The following PEX14 variants were observed in gnomAD, a reference collection of about 807,000 sequenced individuals.
PEX14 encodes the protein peroxisomal membrane protein PEX14.
Under a neutral mutation model 49.5 loss-of-function variants are expected in PEX14, and 15 were observed. The observed-to-expected ratio is 0.30, with a 90% confidence interval of 0.20 to 0.47. The LOEUF is 0.47. Ranked by LOEUF, PEX14 falls within the 20% of genes least tolerant of loss-of-function variation. PEX14 has a pLI of 1.00. For synonymous variants in PEX14, 210 were observed against 212.7 expected, an observed-to-expected ratio of 0.99 and a Z score of 0.11; for missense variants, 398 against 494.8, an observed-to-expected ratio of 0.80 and a Z score of 1.86.
intron 2 of PEX14, among the ~76,000 whole-genome samples, chr1:10,517,760 G>T (rs1485271557): frequency 6.6e-6 from 1 of 151,512 alleles, no homozygotes; most frequent in African/African-American, 2.4e-5. Flanking sequence ...TATATGGGGG[G>T]CAGAAAGGAG....
chr1:10,496,160 G>A (rs1007875022), intron 2 of PEX14, among the ~76,000 whole-genome samples: 3 of 152,208 alleles, frequency 2.0e-5, no homozygotes, highest in African/African-American at 4.8e-5. Context: ...GTATGAACAC[G>A]TCTGAATTCC....
chr1:10,477,005 T>C (rs536073566), intron 1 of PEX14, among the ~76,000 whole-genome samples: 1 of 152,260 alleles, frequency 6.6e-6, no homozygotes, highest in South Asian at 2.1e-4. Context: ...TTTGCCCTCC[T>C]TTCCAAAGCT....
intron 2 of PEX14, among the ~76,000 whole-genome samples, chr1:10,527,699 A>G (rs1361638783): frequency 6.6e-6 from 1 of 151,662 alleles, no homozygotes; most frequent in Non-Finnish European, 1.5e-5. Context: ...TCCAAGACAG[A>G]GTCTCACTCT....
intron 1 of PEX14, 109 bp downstream of exon 1, chr1:10,475,111 C>T: frequency 3.7e-6 from 4 of 1,071,024 alleles, no homozygotes; most frequent in Non-Finnish European, 5.6e-6. Flanking sequence ...AAGCTGGGGA[C>T]CCCGACCTCT....
chr1:10,588,184 C>T lies in PEX14; in HGVS notation c.170-11054C>T, dbSNP rs1048153913. On this transcript the variant is annotated intron_variant, in intron 3 of 8. Transcript: ENST00000356607. ...GCAGTGAGCCGAGATTGCACCACAG[C>T]GCTCCAGCCTGGGTGACAGAGCGAG... Among the ~76,000 whole-genome samples the T allele has an allele frequency of 4.0e-5, 6 of 151,744 alleles. No homozygotes were observed. In the East Asian group the frequency reaches 9.8e-4, roughly 25 times the overall value.
At chr1:10,610,539 T>C (rs1641252413) in intron 4 of PEX14, among the ~76,000 whole-genome samples, 1 of 151,920 alleles carries the variant, frequency 6.6e-6, no homozygotes, top group Admixed American at 6.6e-5. Context: ...TGGAGTGCAA[T>C]GGCGTGATCT....
At chr1:10,559,633 C>T (rs767206383) in intron 3 of PEX14, among the ~76,000 whole-genome samples, 4 of 152,138 alleles carry the variant, frequency 2.6e-5, no homozygotes, top group Non-Finnish European at 4.4e-5. Flanking sequence ...CACCACCCAA[C>T]GGTGTACAGC....
chr1:10,480,387 C>T (rs1260870274), intron 1 of PEX14, among the ~76,000 whole-genome samples: 4 of 87,302 alleles, frequency 4.6e-5, no homozygotes, highest in Admixed American at 4.5e-4. Context: ...GCCTGGCTAA[C>T]TTTTTTTTTT....
intron 3 of PEX14, among the ~76,000 whole-genome samples, chr1:10,586,688 G>A (rs1196040808): frequency 7.7e-6 from 1 of 130,382 alleles, no homozygotes; most frequent in African/African-American, 2.9e-5. Flanking sequence ...TGCCCAGGCT[G>A]GAGTGCAGTG....
Position 10,628,509 on chromosome 1 carries a change from A to G in PEX14, c.678-1022A>G, listed in dbSNP as rs1641816274. On this transcript the variant is annotated intron_variant, in intron 8 of 8. Transcript: ENST00000356607. The surrounding 1 kb of genome is among the most constrained non-coding windows in gnomAD (Gnocchi z 4.5). ...CAACTTCCCGGTTTTCCCTGAGGAA[A>G]AGAACATGTCCTGGAAAGAGATGTG... Among the ~76,000 whole-genome samples, 1 of 152,256 alleles carries G rather than the reference A, an allele frequency of 6.6e-6. No individual in the cohort carries two copies. The highest frequency in any genetic ancestry group is 2.1e-4 in the South Asian group (1 of 4,836).
At chr1:10,531,574 G>A (rs191070891) in intron 2 of PEX14, among the ~76,000 whole-genome samples, 3 of 152,170 alleles carry the variant, frequency 2.0e-5, no homozygotes, top group Admixed American at 2.0e-4. Context: ...TTTCGGGCCC[G>A]TAGATTATAT....
chr1:10,493,930 C>G (rs1641513344), intron 1 of PEX14, among the ~76,000 whole-genome samples: 1 of 152,154 alleles, frequency 6.6e-6, no homozygotes, highest in Admixed American at 6.5e-5. Flanking sequence ...CAAGAAGAGG[C>G]AGGAAGGCAG....
intron 1 of PEX14, among the ~76,000 whole-genome samples, chr1:10,476,248 A>G (rs549302121): frequency 4.6e-5 from 7 of 152,320 alleles, no homozygotes; most frequent in East Asian, 3.9e-4. Flanking sequence ...ACCAGTTTCT[A>G]TTAGCAGTGT....
chr1:10,592,870 G>T (rs201611807), intron 3 of PEX14, among the ~76,000 whole-genome samples: 1 of 152,164 alleles, frequency 6.6e-6, no homozygotes, highest in Non-Finnish European at 1.5e-5. Flanking sequence ...AGTGGCTTCT[G>T]GGCTCGCCTG....
intron 2 of PEX14, among the ~76,000 whole-genome samples, chr1:10,526,029 C>T (rs1638467465): frequency 6.6e-6 from 1 of 150,976 alleles, no homozygotes; most frequent in African/African-American, 2.4e-5. Flanking sequence ...TCAAGCGATT[C>T]TCCTACCTCG....
At chr1:10,541,527 A>T (rs1410671986) in intron 3 of PEX14, among the ~76,000 whole-genome samples, 2 of 152,200 alleles carry the variant, frequency 1.3e-5, no homozygotes, top group South Asian at 4.1e-4. Context: ...GTGAGCGAGG[A>T]GCTGCTCGTG....
intron 3 of PEX14, among the ~76,000 whole-genome samples, chr1:10,543,881 T>C (rs1639092763): frequency 6.6e-6 from 1 of 152,108 alleles, no homozygotes. Context: ...ATTACAGACA[T>C]GAACCACGGC....
chr1:10,531,537 G>A (rs996154997), intron 2 of PEX14, among the ~76,000 whole-genome samples: 1 of 152,152 alleles, frequency 6.6e-6, no homozygotes, highest in East Asian at 1.9e-4. Flanking sequence ...AGCAGCGCAC[G>A]TGGAGCAGTG....
chr1:10,569,324 CT>C (rs1557850109), intron 3 of PEX14, among the ~76,000 whole-genome samples: 1 of 152,026 alleles, frequency 6.6e-6, no homozygotes, highest in Non-Finnish European at 1.5e-5. Context: ...GATTGCTTAG[CT>C]GTGTACTTAT....
Sources: gnomAD v4.1 joint callset for allele counts (sites outside exome capture counted in the v4.1 genomes callset) on GRCh38, gnomAD v4.1.1 for gene constraint, Gnocchi (gnomAD v3.1) non-coding constraint, MANE v1.5 for transcripts, NCBI Gene and HGNC (gene_info 2026-07-23, HGNC 2026-07-21) for gene names.